NF1: variants seen among roughly 807,000 people sequenced by gnomAD.
NF1 encodes the protein neurofibromin.
In NF1, 122 loss-of-function variants were observed where a neutral mutation model predicts 325.7. That is an observed-to-expected ratio of 0.37 (90% CI 0.32 to 0.44). The LOEUF (loss-of-function observed/expected upper bound fraction) is 0.44. Among genes scored for constraint, NF1 ranks in the 20% least tolerant of loss-of-function variants. NF1 has a pLI of 1.00. For synonymous variants in NF1, 1,091 were observed against 1,186.0 expected (o/e 0.92, Z 1.65); for missense variants, 2,140 against 3,415.4 (o/e 0.63, Z 9.31).
chr17:31,174,290 G>A (rs1334485960), intron 5 of NF1, among the ~76,000 whole-genome samples: 2 of 152,158 alleles, frequency 1.3e-5, no homozygotes, highest in Non-Finnish European at 2.9e-5. Context: ...ACTCCAATTA[G>A]CAAAATAAAG....
intron 36 of NF1, chr17:31,320,422 T>C (rs1387014882): frequency 1.2e-6 from 2 of 1,611,212 alleles, no homozygotes; most frequent in Middle Eastern, 1.7e-4. Flanking sequence ...AACCAACTCC[T>C]AAGCAACATG....
chr17:31,163,094 TTTG>T, intron 3 of NF1, 89 bp from the exon 4 acceptor site: 1 of 1,223,314 alleles, frequency 8.2e-7, no homozygotes. Context: ...GTTCATTATT[TTTG>T]TTCTGTGTGT....
At chr17:31,267,684 G>GA (rs2067816305) in intron 36 of NF1, among the ~76,000 whole-genome samples, 1 of 152,130 alleles carries the variant, frequency 6.6e-6, no homozygotes, top group Non-Finnish European at 1.5e-5. Context: ...AATGCTTTTT[G>GA]AATTGTGGAT....
chr17:31,174,440 TTGAC>T (rs1246902118), intron 5 of NF1, among the ~76,000 whole-genome samples: 5 of 152,200 alleles, frequency 3.3e-5, no homozygotes, highest in African/African-American at 7.2e-5. Context: ...ATTCATCTCT[TTGAC>T]TGGACACTTC....
In NF1 at chr17:31,377,665, A is replaced by G. The variant is rs879762335; in HGVS notation, c.*3510A>G. ...TTTTTTTAAGTAAAATGTAAATTCA[A>G]TCTGCTCTAAGATATGAGGAGTTAT... On this transcript the variant is annotated 3_prime_UTR_variant, in exon 58 of 58. Coordinates refer to ENST00000358273, the MANE Select transcript of NF1 (RefSeq NM_001042492.3). 6 of 224,860 alleles carry G rather than the reference A, an allele frequency of 2.7e-5. No homozygotes were observed. The highest frequency in any genetic ancestry group is 4.4e-5 in the Non-Finnish European group (5 of 113,370). The allele number at this position is 224,860 out of a possible 1,614,324, so 13.9% of individuals were successfully genotyped here.
chr17:31,282,421 G>C (rs2068139341), intron 36 of NF1, among the ~76,000 whole-genome samples: 1 of 149,982 alleles, frequency 6.7e-6, no homozygotes, highest in Admixed American at 6.7e-5. Context: ...TGCATATTCA[G>C]AGTTGTGTAC....
intron 5 of NF1, among the ~76,000 whole-genome samples, chr17:31,172,337 CTCTCTG>C: frequency 7.0e-6 from 1 of 142,280 alleles, no homozygotes; most frequent in East Asian, 2.0e-4. Flanking sequence ...CTCTGTCTGT[CTCTCTG>C]TCTCTCTGTC....
intron 54 of NF1, chr17:31,358,014 C>G (rs920260014): frequency 1.1e-5 from 2 of 178,424 alleles, no homozygotes; most frequent in Non-Finnish European, 2.4e-5. Flanking sequence ...TTTGCTTTCC[C>G]TATTTGATCT....
chr17:31,145,834 A>G (rs768621692), intron 1 of NF1, among the ~76,000 whole-genome samples: 8 of 152,214 alleles, frequency 5.3e-5, no homozygotes, highest in Non-Finnish European at 1.0e-4. Flanking sequence ...GAAACTGGGT[A>G]GATTGTGGTA....
chr17:31,327,654 G>A lies in NF1; in HGVS notation c.5424G>A (p.Thr1808=), dbSNP rs765841113. The A allele has an allele frequency of 1.9e-5, 30 of 1,613,984 alleles. No homozygotes were observed. Among genetic ancestry groups the A allele is most frequent in the African/African-American group, 2.7e-5 (2 of 74,884 alleles). ...CCTTAACCATTGCAAACCAGGGCAC[G>A]CCGCTCACCTTCATGCACCAGGAGT... The part of the protein sequence containing the change: ...QFTLTIANQG[T]PLTFMHQECE... Residue 1808 remains threonine (T), a synonymous_variant, in exon 38 of 58, where the codon ACG becomes ACA. Transcript: ENST00000358273.
At position 31,305,115 on chromosome 17, in the gene NF1, A is replaced by T. The variant is rs755872484; in HGVS notation, c.4836-20705A>T. On this transcript the variant is annotated intron_variant, in intron 36 of 57. Transcript: ENST00000358273. Reference sequence around the variant, plus strand: ...CAGTTGATGTTGGTTGTGTGGATGGATTATGAACAGTTATTTGTTTTCTAG... The same window carrying T: ...CAGTTGATGTTGGTTGTGTGGATGGTTTATGAACAGTTATTTGTTTTCTAG... 1.2e-6 allele frequency: 2 copies of T among 1,614,110 alleles called. No homozygotes were observed. The highest frequency in any genetic ancestry group is 1.7e-6 in the Non-Finnish European group (2 of 1,180,022).
chr17:31,209,863 A>C (rs1219258162), intron 12 of NF1, among the ~76,000 whole-genome samples: 1 of 151,794 alleles, frequency 6.6e-6, no homozygotes, highest in Non-Finnish European at 1.5e-5. Flanking sequence ...TGGGCAGGCT[A>C]CTCTTGAACT....
intron 5 of NF1, among the ~76,000 whole-genome samples, chr17:31,178,635 A>G (rs2143757942): frequency 6.6e-6 from 1 of 152,328 alleles, no homozygotes; most frequent in South Asian, 2.1e-4. Flanking sequence ...ATGCAAAGTT[A>G]CACATAGGCT....
intron 13 of NF1, among the ~76,000 whole-genome samples, chr17:31,217,039 G>A (rs1409331757): frequency 6.6e-6 from 1 of 152,060 alleles, no homozygotes; most frequent in African/African-American, 2.4e-5. Context: ...TATACTTGTT[G>A]ATCTGATTAT....
intron 36 of NF1, chr17:31,296,263 T>A (rs1354506174): frequency 6.2e-7 from 1 of 1,614,088 alleles, no homozygotes; most frequent in Admixed American, 1.7e-5. Context: ...GACAAATGCA[T>A]AAAATACCAG....
chr17:31,201,512 A>G, intron 11 of NF1, 27 bp downstream of exon 11: 1 of 1,560,862 alleles, frequency 6.4e-7, no homozygotes, highest in Non-Finnish European at 8.8e-7. Context: ...TTGCTAAATT[A>G]CTAAAAAAAT....
chr17:31,181,521 TG>T, intron 6 of NF1, 32 bp downstream of exon 6: 1 of 1,603,556 alleles, frequency 6.2e-7, no homozygotes. Context: ...ATTAAAATTT[TG>T]TTTTTGATGT....
At chr17:31,302,957 A>G (rs1467620030) in intron 36 of NF1, among the ~76,000 whole-genome samples, 1 of 152,218 alleles carries the variant, frequency 6.6e-6, no homozygotes, top group Non-Finnish European at 1.5e-5. Flanking sequence ...AAGAAGCTCA[A>G]GGAAGTGTTT....
intron 49 of NF1, among the ~76,000 whole-genome samples, chr17:31,349,881 TTTGTTTGAACCGTATCATC>T (rs1338357471): frequency 6.6e-6 from 1 of 152,258 alleles, no homozygotes; most frequent in African/African-American, 2.4e-5. Flanking sequence ...GTTCAACTTT[TTTGTTTGAACCGTATCATC>T]TTGAGCAAAT....
Sources: gnomAD v4.1 joint callset for allele counts (sites outside exome capture counted in the v4.1 genomes callset) on GRCh38, gnomAD v4.1.1 for gene constraint, MANE v1.5 for transcripts, NCBI Gene and HGNC (gene_info 2026-07-23, HGNC 2026-07-21) for gene names.